LRRK1: variants seen among roughly 807,000 people sequenced by gnomAD.
LRRK1 encodes leucine rich repeat kinase 1, also known as leucine-rich repeat serine/threonine-protein kinase 1.
LRRK1 carries 113 observed loss-of-function variants against 209.1 expected under a neutral mutation model. That is an observed-to-expected ratio of 0.54 (90% confidence interval 0.46 to 0.63). The LOEUF (loss-of-function observed/expected upper bound fraction) is 0.63. Ranked by LOEUF, LRRK1 falls within the 30% of genes least tolerant of loss-of-function variation. The probability of loss-of-function intolerance (pLI) is 0.00; values close to 1 mark genes in which losing one functional copy is unlikely to be tolerated. For synonymous variants in LRRK1, 1,144 were observed against 1,099.7 expected (o/e 1.04, Z -0.80); for missense variants, 2,284 against 2,632.2 (o/e 0.87, Z 2.89).
At chr15:100,922,423 C>G (rs1223076070) in intron 1 of LRRK1, among the ~76,000 whole-genome samples, 1 of 151,054 alleles carries the variant, frequency 6.6e-6, no homozygotes, top group African/African-American at 2.4e-5. Context: ...TGAGGGTTAG[C>G]CTGAAATAAT....
chr15:101,032,750 GGAAA>G (rs2034337858), intron 20 of LRRK1, among the ~76,000 whole-genome samples: 1 of 152,018 alleles, frequency 6.6e-6, no homozygotes, highest in Non-Finnish European at 1.5e-5. Flanking sequence ...ACCATTTGTT[GGAAA>G]GACTTTCCTT....
At chr15:101,038,017 A>G (rs2034567510) in intron 20 of LRRK1, among the ~76,000 whole-genome samples, 1 of 152,248 alleles carries the variant, frequency 6.6e-6, no homozygotes, top group Admixed American at 6.5e-5. Flanking sequence ...TGGTATATAT[A>G]CACCATAGAA....
intron 2 of LRRK1, among the ~76,000 whole-genome samples, chr15:100,969,343 G>T (rs1051882408): frequency 2.6e-5 from 4 of 152,038 alleles, no homozygotes; most frequent in Non-Finnish European, 5.9e-5. Flanking sequence ...TCCTTTCCTG[G>T]TTATTGTTTT....
At chr15:100,996,280 G>A (rs1055530598) in intron 6 of LRRK1, among the ~76,000 whole-genome samples, 5 of 152,258 alleles carry the variant, frequency 3.3e-5, no homozygotes, top group Admixed American at 2.0e-4. Context: ...CTCAGCAGGC[G>A]GTGCTGCTGT....
Position 101,066,114 on chromosome 15 carries a change from C to A in LRRK1, c.5677C>A (p.His1893Asn), listed in dbSNP as rs760461091. The A allele has an allele frequency of 3.1e-6, 5 of 1,614,124 alleles. No homozygotes were observed. The Admixed American group carries it at 8.3e-5, about 27-fold the overall frequency. Residue 1893 changes from histidine (H) to asparagine (N), a missense_variant, in exon 32 of 34, where the codon CAT (histidine) becomes AAT (asparagine). Physicochemically the swap from His to Asn is moderately conservative, Grantham distance 68. Coordinates refer to ENST00000388948, the MANE Select transcript of LRRK1 (RefSeq NM_024652.6). ...CGGTGCTGCCTCCGACAGGTCTGAG[C>A]ATGACCTGACCCCCATGGACGGGGA... ...TPGAASDRSE[H>N]DLTPMDGETF... is the part of the protein sequence containing the mutation.
At chr15:100,965,070 A>G (rs554721484) in intron 2 of LRRK1, among the ~76,000 whole-genome samples, 1 of 152,352 alleles carries the variant, frequency 6.6e-6, no homozygotes, top group East Asian at 1.9e-4. Context: ...CCTGCAGAAC[A>G]GTGAGCTGCC....
At chr15:100,982,232 A>G (rs1194086470) in intron 3 of LRRK1, among the ~76,000 whole-genome samples, 3 of 152,136 alleles carry the variant, frequency 2.0e-5, no homozygotes, top group Admixed American at 6.5e-5. Context: ...TCCCATTCCA[A>G]TAGGGGATCC....
In LRRK1 at chr15:101,022,308, C is replaced by A; in HGVS notation, c.1853-75C>A. ...AAAACACAAAGAAGGAGTTCCTTCA[C>A]AACAGGATTTTGTGTCCTAAGAGAT... On this transcript the variant is annotated intron_variant, in intron 14 of 33. Coordinates refer to ENST00000388948, the MANE Select transcript of LRRK1 (RefSeq NM_024652.6). The surrounding 1 kb of genome is among the most constrained non-coding windows in gnomAD (Gnocchi z 4.0). 2.1e-6 allele frequency: 3 copies of A among 1,405,122 alleles called. No homozygotes were observed. The highest frequency in any genetic ancestry group is 3.0e-6 in the Non-Finnish European group (3 of 997,756). 87.0% of individuals were successfully genotyped at this position (1,405,122 alleles called of 1,614,324 possible).
chr15:101,010,381 A>G (rs1048046778), intron 7 of LRRK1, 69 bp from the exon 8 acceptor site: 10 of 1,543,790 alleles, frequency 6.5e-6, no homozygotes, highest in African/African-American at 2.8e-5. Context: ...CTTGGTTTAT[A>G]GAAAAATATG....
rs1933799428 is a variant in LRRK1 at position 101,008,839 on chromosome 15, T to G, written c.765T>G (p.Ala255=). 6.2e-7 allele frequency: 1 copy of G among 1,611,676 alleles called. No homozygotes were observed. Among genetic ancestry groups the G allele is most frequent in the South Asian group, 1.1e-5 (1 of 91,036 alleles). Reference sequence around the variant, plus strand: ...TTTTCCTTTCTTTCCACCACCAGGCTCTCCGTGTGAAATGGTCCCATCTCA... The same window carrying G: ...TTTTCCTTTCTTTCCACCACCAGGCGCTCCGTGTGAAATGGTCCCATCTCA... ...PLPSSYPGKT[A]LRVKWSHLRL... is the part of the protein sequence containing the mutation. Residue 255 remains alanine, a splice_region_variant and synonymous_variant, in exon 7 of 34, where the codon GCT becomes GCG. Transcript: ENST00000388948.
chr15:100,996,711 G>A lies in LRRK1; in HGVS notation c.762+7313G>A, dbSNP rs535135384. Among the ~76,000 whole-genome samples, 3 of 152,356 alleles carry A rather than the reference G, an allele frequency of 2.0e-5. No individual in the cohort carries two copies. In the South Asian group the frequency reaches 6.2e-4, roughly 32 times the overall value. ...TAGCCAGGGTCACGTGGCAGAATAA[G>A]TGAAGGGGAACAGCGCGTGGCTTCT... On this transcript the variant is annotated intron_variant, in intron 6 of 33. Coordinates refer to ENST00000388948, the MANE Select transcript of LRRK1 (RefSeq NM_024652.6).
intron 2 of LRRK1, among the ~76,000 whole-genome samples, chr15:100,947,801 G>C (rs772319064): frequency 6.6e-6 from 1 of 152,124 alleles, no homozygotes; most frequent in South Asian, 2.1e-4. Flanking sequence ...GAACTTTCAA[G>C]CAGGAAAAAC....
At chr15:100,948,335 ACCT>A (rs2042581553) in intron 2 of LRRK1, among the ~76,000 whole-genome samples, 1 of 151,948 alleles carries the variant, frequency 6.6e-6, no homozygotes, top group African/African-American at 2.4e-5. Context: ...CAGATGGGAC[ACCT>A]CCTCATGGGT....
At chr15:100,927,247 C>T (rs954030737) in intron 2 of LRRK1, among the ~76,000 whole-genome samples, 8 of 152,184 alleles carry the variant, frequency 5.3e-5, no homozygotes, top group Admixed American at 4.6e-4. Flanking sequence ...TGGACAAACC[C>T]ATCCCCACCT....
Position 101,014,309 on chromosome 15 carries a change from C to G in LRRK1, c.1420-7C>G. 6.3e-7 allele frequency: 1 copy of G among 1,599,512 alleles called. No individual in the cohort carries two copies. The highest frequency in any genetic ancestry group is 1.1e-5 in the South Asian group (1 of 90,524). On this transcript the variant is annotated splice_region_variant and splice_polypyrimidine_tract_variant and intron_variant, in intron 10 of 33. Transcript: ENST00000388948. ...TTAGCTTCTCTCTCCCTCCCTCTCT[C>G]TCTCAGGCCCTCATGTTCTTGAGGT...
intron 2 of LRRK1, among the ~76,000 whole-genome samples, chr15:100,968,045 C>G (rs1364970428): frequency 1.3e-5 from 2 of 152,192 alleles, no homozygotes; most frequent in Middle Eastern, 3.2e-3. Flanking sequence ...CAGGAAAACT[C>G]ACTGTCTACC....
chr15:100,998,683 A>G lies in LRRK1; in HGVS notation c.762+9285A>G, dbSNP rs375456693. On this transcript the variant is annotated intron_variant, in intron 6 of 33. Coordinates refer to ENST00000388948, the MANE Select transcript of LRRK1 (RefSeq NM_024652.6). Reference sequence around the variant, plus strand: ...TGGATAGATGGATAGTTGCTTGGATAGATAGATGGGTCAGTGGATGGTTGC... The same window carrying G: ...TGGATAGATGGATAGTTGCTTGGATGGATAGATGGGTCAGTGGATGGTTGC... Among the ~76,000 whole-genome samples the G allele has an allele frequency of 5.1e-4, 77 of 151,356 alleles. 2 individuals carry two copies. In the East Asian group the frequency reaches 9.2e-3, roughly 18 times the overall value.
rs115872219 is a variant in LRRK1, at chr15:100,955,791, T to A, written c.98-18013T>A. ...TTCTGTTAATGTGGTGTATCGTGTCTGTTGATTTGCATATGCTGAACCATC... is the reference window on the plus strand; with the variant it reads ...TTCTGTTAATGTGGTGTATCGTGTCAGTTGATTTGCATATGCTGAACCATC... On this transcript the variant is annotated intron_variant, in intron 2 of 33. Coordinates refer to ENST00000388948, the MANE Select transcript of LRRK1 (RefSeq NM_024652.6). Among the ~76,000 whole-genome samples, 593 of 152,342 alleles carry A rather than the reference T, an allele frequency of 3.9e-3. 3 individuals carry two copies. Among genetic ancestry groups the A allele is most frequent in the African/African-American group, 0.013 (553 of 41,578 alleles).
rs933894320 is a variant in LRRK1, at chr15:100,919,582, G to C, written c.-123+131G>C. The C allele has an allele frequency of 2.0e-5, 3 of 148,454 alleles. No individual in the cohort carries two copies. Among genetic ancestry groups the C allele is most frequent in the African/African-American group, 7.3e-5 (3 of 41,122 alleles). The allele number at this position is 148,454 out of a possible 1,614,324, so 9.2% of individuals were successfully genotyped here. On this transcript the variant is annotated intron_variant, in intron 1 of 33. Transcript: ENST00000388948. This position sits in a 1 kb window ranked among gnomAD's most constrained non-coding sequence, Gnocchi z 5.8. The stretch of plus-strand genomic sequence containing the variant: ...GCCTGCCCGCGGGCCCCTGCGCTCC[G>C]GGCGGCCGCGTGGTCGGGCACGGGG...
Sources: gnomAD v4.1 joint callset for allele counts (sites outside exome capture counted in the v4.1 genomes callset) on GRCh38, gnomAD v4.1.1 for gene constraint, Gnocchi (gnomAD v3.1) non-coding constraint, MANE v1.5 for transcripts, NCBI Gene and HGNC (gene_info 2026-07-23, HGNC 2026-07-21) for gene names.